Variants in KLHDC10 observed in about 807,000 individuals in gnomAD.
KLHDC10 encodes kelch domain-containing protein 10.
In KLHDC10, 24 loss-of-function variants were observed where a neutral mutation model predicts 56.1. The observed-to-expected ratio is 0.43, with a 90% CI of 0.31 to 0.60. The LOEUF (loss-of-function observed/expected upper bound fraction) is 0.60. Among genes scored for constraint, KLHDC10 ranks in the 20% least tolerant of loss-of-function variants. The pLI is 0.11. For missense variants in KLHDC10, 349 were observed against 567.0 expected (o/e 0.62, Z 3.91); for synonymous variants, 188 against 207.1 (o/e 0.91, Z 0.79).
chr7:130,077,378 A>C (rs576252630), intron 1 of KLHDC10, among the ~76,000 whole-genome samples: 2 of 149,010 alleles, frequency 1.3e-5, no homozygotes, highest in South Asian at 2.1e-4. Flanking sequence ...AAAAAAAAAA[A>C]AAAACAGTAT....
intron 1 of KLHDC10, among the ~76,000 whole-genome samples, chr7:130,077,368 A>AC (rs1351116995): frequency 6.7e-6 from 1 of 148,622 alleles, no homozygotes; most frequent in Non-Finnish European, 1.5e-5. Context: ...AAAAAAAAAA[A>AC]AAAAAAAAAA....
In KLHDC10 at chr7:130,089,943, G is replaced by A. The variant is rs1236366835; in HGVS notation, c.167-6978G>A. 6.6e-5 allele frequency among the ~76,000 whole-genome samples: 10 copies of A among 151,286 alleles called. No individual in the cohort carries two copies. The East Asian group carries it at 1.7e-3, about 26-fold the overall frequency. On this transcript the variant is annotated intron_variant, in intron 1 of 9. Transcript: ENST00000335420. ...GTTGCCCAGGCTGGAGTGCAATGGC[G>A]CGATCTTGGCTCACCGCAACCTCTG...
intron 6 of KLHDC10, among the ~76,000 whole-genome samples, chr7:130,125,292 A>T (rs1039877693): frequency 6.6e-6 from 1 of 152,182 alleles, no homozygotes; most frequent in African/African-American, 2.4e-5. Flanking sequence ...CTGTAATCCC[A>T]GCCCTTTGGG....
chr7:130,123,432 T>G (rs1796277068), intron 5 of KLHDC10, among the ~76,000 whole-genome samples: 3 of 150,808 alleles, frequency 2.0e-5, no homozygotes, highest in Admixed American at 6.6e-5. Context: ...ATCACGCCAT[T>G]GCGCTCCAGC....
At chr7:130,096,665 A>C (rs1299821777) in intron 1 of KLHDC10, among the ~76,000 whole-genome samples, 1 of 152,214 alleles carries the variant, frequency 6.6e-6, no homozygotes. Context: ...TGCACATGCT[A>C]TTGAACCAGA....
chr7:130,085,908 G>A (rs1795683432), intron 1 of KLHDC10, among the ~76,000 whole-genome samples: 1 of 151,094 alleles, frequency 6.6e-6, no homozygotes, highest in South Asian at 2.1e-4. Flanking sequence ...CATTAGTACA[G>A]TACTATAAGT....
chr7:130,121,240 G>A (rs1796244917), intron 4 of KLHDC10, among the ~76,000 whole-genome samples: 1 of 152,006 alleles, frequency 6.6e-6, no homozygotes, highest in Admixed American at 6.6e-5. Flanking sequence ...CTTCACTATG[G>A]TCTGGGTCCT....
chr7:130,080,999 CTTT>C (rs966845024), intron 1 of KLHDC10, among the ~76,000 whole-genome samples: 3 of 131,920 alleles, frequency 2.3e-5, no homozygotes, highest in Non-Finnish European at 4.8e-5. Flanking sequence ...TTTCAGTTTT[CTTT>C]TTTTTTTTTT....
chr7:130,128,219 A>C (rs1156542946), intron 8 of KLHDC10, among the ~76,000 whole-genome samples: 1 of 152,240 alleles, frequency 6.6e-6, no homozygotes, highest in Admixed American at 6.5e-5. Context: ...CTCTGTGAGA[A>C]TGGAACTGTA....
intron 8 of KLHDC10, 44 bp downstream of exon 8, chr7:130,127,495 A>G (rs775443944): frequency 2.9e-6 from 4 of 1,357,968 alleles, no homozygotes; most frequent in East Asian, 2.3e-5. Flanking sequence ...CTGTAATTGT[A>G]TCTTCTGAAA....
At chr7:130,089,434 C>A (rs1332253459) in intron 1 of KLHDC10, among the ~76,000 whole-genome samples, 2 of 152,110 alleles carry the variant, frequency 1.3e-5, no homozygotes, top group African/African-American at 4.8e-5. Context: ...GTCTACTTCT[C>A]CCATGCCCCG....
At chr7:130,101,830 C>T (rs1042028018) in intron 2 of KLHDC10, among the ~76,000 whole-genome samples, 5 of 151,804 alleles carry the variant, frequency 3.3e-5, no homozygotes, top group Non-Finnish European at 4.4e-5. Flanking sequence ...ATTAGCCGGG[C>T]GTGGTAGCAG....
At chr7:130,121,485 G>A (rs1443866705) in intron 4 of KLHDC10, among the ~76,000 whole-genome samples, 1 of 152,180 alleles carries the variant, frequency 6.6e-6, no homozygotes, top group African/African-American at 2.4e-5. Flanking sequence ...TGACTCGCTG[G>A]CATTAGTACT....
intron 2 of KLHDC10, among the ~76,000 whole-genome samples, chr7:130,111,839 CAT>C (rs1377355043): frequency 3.9e-5 from 6 of 152,070 alleles, no homozygotes; most frequent in Admixed American, 3.9e-4. Flanking sequence ...GGCCAATAAA[CAT>C]GTGAACTAGT....
chr7:130,121,990 TA>T, intron 4 of KLHDC10, 63 bp from the exon 5 acceptor site: 1 of 1,435,112 alleles, frequency 7.0e-7, no homozygotes, highest in Admixed American at 2.2e-5. Context: ...AGGTATCTGG[TA>T]AGTTTACATT....
intron 2 of KLHDC10, among the ~76,000 whole-genome samples, chr7:130,111,316 G>A (rs1273323509): frequency 2.0e-5 from 3 of 152,146 alleles, no homozygotes; most frequent in Admixed American, 2.0e-4. Context: ...CAAGGGAGCT[G>A]TAAAAGACAA....
chr7:130,079,571 C>T (rs151080757), intron 1 of KLHDC10, among the ~76,000 whole-genome samples: 4 of 152,218 alleles, frequency 2.6e-5, no homozygotes, highest in Non-Finnish European at 4.4e-5. Context: ...GTATTTTAAA[C>T]GTACTGCTGG....
rs1478521733 is a variant in KLHDC10 at position 130,131,859 on chromosome 7, C to T, written c.*1113C>T. ...AGTTGGTCCTTGATTTTTCCCTTAG[C>T]TTGTTGCCTTCTTTTCCGTCTGCTT... On this transcript the variant is annotated 3_prime_UTR_variant, in exon 10 of 10. Transcript: ENST00000335420. 1 of 152,106 alleles carries T rather than the reference C, an allele frequency of 6.6e-6. No individual in the cohort carries two copies. The highest frequency in any genetic ancestry group is 1.5e-5 in the Non-Finnish European group (1 of 68,028). The allele number at this position is 152,106 out of a possible 1,614,324, so 9.4% of individuals were successfully genotyped here.
At position 130,125,781 on chromosome 7, in the gene KLHDC10, GTC is replaced by G. The variant is rs1023581947; in HGVS notation, c.865-82_865-81del. 8.4e-5 allele frequency: 90 copies of G among 1,069,950 alleles called. No individual in the cohort carries two copies. In the Admixed American group the frequency reaches 1.1e-3, roughly 13 times the overall value. 66.3% of individuals were successfully genotyped at this position (1,069,950 alleles called of 1,614,324 possible). A position where few individuals can be genotyped will look rare whatever the true frequency, so the allele number is the denominator to read the frequency against. On this transcript the variant is annotated intron_variant, in intron 6 of 9. Transcript: ENST00000335420. ...ACTGAAAACTGCTTTAAAAAACAAA[GTC>G]TATTTTTTAAAAAATCCTTTTTCAG...
Sources: allele counts gnomAD v4.1 joint callset (sites outside exome capture counted in the v4.1 genomes callset), GRCh38; gene constraint gnomAD v4.1.1; transcripts MANE v1.5; gene names NCBI Gene and HGNC (gene_info 2026-07-23, HGNC 2026-07-21).